Variants in JARID2 observed in about 807,000 individuals in gnomAD.
JARID2 encodes protein Jumonji.
In JARID2, 21 loss-of-function variants were observed where a neutral mutation model predicts 125.6. That is an observed-to-expected ratio of 0.17 (90% CI 0.12 to 0.24). The LOEUF (loss-of-function observed/expected upper bound fraction) is 0.24, where lower values mean the gene tolerates loss of function less well. Ranked by LOEUF, JARID2 falls within the 10% of genes least tolerant of loss-of-function variation. JARID2 has a pLI of 1.00. For synonymous variants in JARID2, 736 were observed against 661.6 expected (o/e 1.11, Z -1.73); for missense variants, 1,303 against 1,639.6 (o/e 0.79, Z 3.55).
At chr6:15,424,980 A>G (rs1029096670) in intron 3 of JARID2, among the ~76,000 whole-genome samples, 10 of 152,210 alleles carry the variant, frequency 6.6e-5, no homozygotes, top group Admixed American at 2.6e-4. Context: ...TTATTCTCAT[A>G]GCAAAATCAT....
intron 2 of JARID2, chr6:15,400,940 C>A (rs761801982): frequency 5.4e-6 from 7 of 1,289,474 alleles, no homozygotes; most frequent in Non-Finnish European, 6.1e-6. Flanking sequence ...TGCAATGATC[C>A]GGCTCTGAGG....
At position 15,315,556 on chromosome 6, in the gene JARID2, G is replaced by A. The variant is rs548169508; in HGVS notation, c.46-58561G>A. ...CAGAAAACTTACATATTTAGAAGTA[G>A]TCACGTATCTAGAGTGTGACTGGAC... On this transcript the variant is annotated intron_variant, in intron 1 of 17. Transcript: ENST00000341776. 2.2e-4 allele frequency among the ~76,000 whole-genome samples: 34 copies of A among 152,300 alleles called. 2 individuals carry two copies. Among genetic ancestry groups the A allele is most frequent in the South Asian group, 1.0e-3 (5 of 4,826 alleles).
intron 1 of JARID2, among the ~76,000 whole-genome samples, chr6:15,344,460 TA>T (rs746040005): frequency 8.6e-5 from 13 of 150,584 alleles, no homozygotes; most frequent in African/African-American, 1.2e-4. Context: ...CTCTCTGGTT[TA>T]AAAAAAAACC....
intron 1 of JARID2, among the ~76,000 whole-genome samples, chr6:15,300,554 G>GTTAA (rs1663239521): frequency 1.3e-5 from 2 of 152,116 alleles, no homozygotes; most frequent in African/African-American, 2.4e-5. Context: ...TTGCAGCCAG[G>GTTAA]AGACTAATGA....
At chr6:15,395,277 C>T (rs989507006) in intron 2 of JARID2, among the ~76,000 whole-genome samples, 2 of 152,030 alleles carry the variant, frequency 1.3e-5, no homozygotes, top group Non-Finnish European at 2.9e-5. Context: ...GACCTATCAG[C>T]CCTTTGTTTC....
chr6:15,268,760 AG>A (rs1271360196), intron 1 of JARID2, among the ~76,000 whole-genome samples: 1 of 152,218 alleles, frequency 6.6e-6, no homozygotes, highest in East Asian at 1.9e-4. Context: ...CCTGTGCTTC[AG>A]TTGGCAGAAT....
intron 2 of JARID2, among the ~76,000 whole-genome samples, chr6:15,400,679 G>T (rs989752231): frequency 1.6e-4 from 25 of 151,912 alleles, no homozygotes; most frequent in East Asian, 1.4e-3. Flanking sequence ...TTATCAGGGT[G>T]GGGGGAGCCA....
rs57296791 is a variant in JARID2, at chr6:15,433,410, CTGTGTGTGTGTGTG to C, written c.324-18568_324-18555del. On this transcript the variant is annotated intron_variant, in intron 3 of 17. Coordinates refer to ENST00000341776, the MANE Select transcript of JARID2 (RefSeq NM_004973.4). ...CCTCCTCCCCAACCCCCATGTCTCTCTGTGTGTGTGTGTGTGTGTGTGTGTGTGTGTGTGTGTGT... is the reference window on the plus strand; with the variant it reads ...CCTCCTCCCCAACCCCCATGTCTCTCTGTGTGTGTGTGTGTGTGTGTGTGT... Among the ~76,000 whole-genome samples the C allele has an allele frequency of 8.3e-3, 1,192 of 143,500 alleles. 14 individuals are homozygous for C. Among genetic ancestry groups the C allele is most frequent in the African/African-American group, 0.026 (1,000 of 38,262 alleles). 94.1% of individuals were successfully genotyped at this position (143,500 alleles called of 152,430 possible).
chr6:15,259,771 G>T (rs553245395), intron 1 of JARID2, among the ~76,000 whole-genome samples: 55 of 152,062 alleles, frequency 3.6e-4, no homozygotes, highest in Non-Finnish European at 5.6e-4. Context: ...TTTTGATGGG[G>T]GTTACTTTTA....
At chr6:15,374,300 G>C in intron 2 of JARID2, 48 bp downstream of exon 2, 1 of 1,596,738 alleles carries the variant, frequency 6.3e-7, no homozygotes, top group South Asian at 1.1e-5. Flanking sequence ...ATATCTCTGG[G>C]CGTGGACTTG....
intron 8 of JARID2, among the ~76,000 whole-genome samples, chr6:15,501,686 C>G (rs886502168): frequency 6.6e-6 from 1 of 152,052 alleles, no homozygotes; most frequent in South Asian, 2.1e-4. Context: ...CTTGTGGGTG[C>G]GTTGATGGGG....
At chr6:15,379,918 T>G (rs1304450716) in intron 2 of JARID2, among the ~76,000 whole-genome samples, 5 of 152,144 alleles carry the variant, frequency 3.3e-5, no homozygotes, top group African/African-American at 9.7e-5. Flanking sequence ...GAGAGGTAAT[T>G]TTGGAGCCTT....
At chr6:15,420,928 A>T (rs1357948720) in intron 3 of JARID2, among the ~76,000 whole-genome samples, 1 of 152,222 alleles carries the variant, frequency 6.6e-6, no homozygotes, top group Non-Finnish European at 1.5e-5. Flanking sequence ...TGTTCCTGCT[A>T]ATCCTTTCTG....
chr6:15,318,874 G>A (rs1404223158), intron 1 of JARID2, among the ~76,000 whole-genome samples: 2 of 152,190 alleles, frequency 1.3e-5, no homozygotes, highest in African/African-American at 4.8e-5. Context: ...GAAGAGGGCT[G>A]GAGCCAGACA....
chr6:15,308,477 T>TGAA (rs1215517475), intron 1 of JARID2, among the ~76,000 whole-genome samples: 3 of 152,214 alleles, frequency 2.0e-5, no homozygotes, highest in Admixed American at 2.0e-4. Context: ...CTTTCTTCAT[T>TGAA]CCCTTACTTC....
chr6:15,410,172 C>T (rs1053562272), intron 2 of JARID2, 52 bp from the exon 3 acceptor site: 123 of 1,554,332 alleles, frequency 7.9e-5, no homozygotes, highest in Non-Finnish European at 9.7e-5. Context: ...TGGTAAAGTG[C>T]TGCCTCCTGA....
chr6:15,464,327 G>A (rs2127667111), intron 4 of JARID2, among the ~76,000 whole-genome samples: 1 of 152,342 alleles, frequency 6.6e-6, no homozygotes, highest in East Asian at 1.9e-4. Context: ...GGCATGTGCA[G>A]CGTTAGACTC....
intron 6 of JARID2, among the ~76,000 whole-genome samples, chr6:15,493,961 C>T (rs1770280465): frequency 6.6e-6 from 1 of 152,130 alleles, no homozygotes; most frequent in Non-Finnish European, 1.5e-5. Flanking sequence ...TTATTCCAGA[C>T]CGTCTGTCAG....
chr6:15,386,412 A>T (rs1764789651), intron 2 of JARID2, among the ~76,000 whole-genome samples: 1 of 152,202 alleles, frequency 6.6e-6, no homozygotes, highest in African/African-American at 2.4e-5. Flanking sequence ...CCAAGTGAGC[A>T]ACACTCCAGT....
Sources: allele counts gnomAD v4.1 joint callset (sites outside exome capture counted in the v4.1 genomes callset), GRCh38; gene constraint gnomAD v4.1.1; transcripts MANE v1.5; gene names NCBI Gene and HGNC (gene_info 2026-07-23, HGNC 2026-07-21).